The following ERBB4 variants were observed in gnomAD, a reference collection of about 807,000 sequenced individuals.
The protein encoded by ERBB4 is erb-b2 receptor tyrosine kinase 4, also known as receptor tyrosine-protein kinase erbB-4.
ERBB4 carries 42 observed loss-of-function variants against 158.0 expected under a neutral mutation model. The observed-to-expected ratio is 0.27, with a 90% CI of 0.21 to 0.34. The LOEUF is 0.34. ERBB4 is among the 10% of genes least tolerant of loss of function. The probability of loss-of-function intolerance (pLI) is 1.00; values close to 1 mark genes in which losing one functional copy is unlikely to be tolerated. For missense variants in ERBB4, 1,333 were observed against 1,624.1 expected, an observed-to-expected ratio of 0.82 and a Z score of 3.08; for synonymous variants, 583 against 558.7, an observed-to-expected ratio of 1.04 and a Z score of -0.61.
At chr2:211,652,487 C>A (rs1045682737) in intron 16 of ERBB4, among the ~76,000 whole-genome samples, 3 of 151,162 alleles carry the variant, frequency 2.0e-5, no homozygotes, top group Non-Finnish European at 2.9e-5. Flanking sequence ...TCCTTGGGGG[C>A]AAAACAAACA....
At chr2:211,469,659 T>G (rs1008677138) in intron 20 of ERBB4, among the ~76,000 whole-genome samples, 4 of 152,190 alleles carry the variant, frequency 2.6e-5, no homozygotes, top group African/African-American at 9.6e-5. Context: ...CATAGTCTTT[T>G]AGTTATAAAA....
At chr2:211,402,989 T>C (rs1323967334) in intron 25 of ERBB4, among the ~76,000 whole-genome samples, 2 of 152,064 alleles carry the variant, frequency 1.3e-5, no homozygotes, top group Non-Finnish European at 2.9e-5. Context: ...TCTTCAGTTA[T>C]AGGCCTGATG....
rs140282157 is a variant in ERBB4 at position 212,377,966 on chromosome 2, A to AT, written c.82+160482dup. On this transcript the variant is annotated intron_variant, in intron 1 of 27. Transcript: ENST00000342788. ...AGCTTTTTCCTATTTTTATCTTTTAATTTTTTTTTGTTAAAAACTGACACA... is the reference window on the plus strand; with the variant it reads ...AGCTTTTTCCTATTTTTATCTTTTAATTTTTTTTTTGTTAAAAACTGACACA... 1.6e-4 allele frequency among the ~76,000 whole-genome samples: 24 copies of AT among 150,500 alleles called. No individual in the cohort carries two copies. In the South Asian group the frequency reaches 1.9e-3, roughly 12 times the overall value.
chr2:211,712,247 T>C, intron 8 of ERBB4, 71 bp from the exon 9 acceptor site: 1 of 1,420,368 alleles, frequency 7.0e-7, no homozygotes, highest in South Asian at 1.2e-5. Flanking sequence ...TGCATCTTCA[T>C]TATAAAATAG....
chr2:212,114,325 T>C (rs1435070818), intron 2 of ERBB4, among the ~76,000 whole-genome samples: 1 of 152,144 alleles, frequency 6.6e-6, no homozygotes, highest in Non-Finnish European at 1.5e-5. Context: ...GGTGTATCCA[T>C]ATGTTCATGG....
chr2:212,350,340 G>T (rs893911520), intron 1 of ERBB4, among the ~76,000 whole-genome samples: 8 of 152,018 alleles, frequency 5.3e-5, no homozygotes, highest in African/African-American at 1.9e-4. Flanking sequence ...GTTTCCTTAA[G>T]AGGAAAAATA....
At chr2:211,569,071 C>T (rs748112461) in intron 19 of ERBB4, among the ~76,000 whole-genome samples, 40 of 152,230 alleles carry the variant, frequency 2.6e-4, no homozygotes, top group Middle Eastern at 3.4e-3. Context: ...CACTCCCTTC[C>T]AATCCTTGGT....
intron 5 of ERBB4, among the ~76,000 whole-genome samples, chr2:211,728,687 T>G (rs2074346061): frequency 6.6e-6 from 1 of 151,886 alleles, no homozygotes; most frequent in Non-Finnish European, 1.5e-5. Context: ...TTGCTTCTAT[T>G]TGACAGCTAT....
Position 212,176,472 on chromosome 2 carries a change from A to G in ERBB4, c.83-51569T>C, listed in dbSNP as rs1343871648. Among the ~76,000 whole-genome samples the G allele has an allele frequency of 2.6e-5, 4 of 152,142 alleles. No individual in the cohort carries two copies. The East Asian group carries it at 7.7e-4, about 29-fold the overall frequency. On this transcript the variant is annotated intron_variant, in intron 1 of 27. Transcript: ENST00000342788. ...TCTGCAAGCCAGGGAGAGGGACTTCATTAAGAACCTGACCATGTTAGCACC... is the reference window on the plus strand; with the variant it reads ...TCTGCAAGCCAGGGAGAGGGACTTCGTTAAGAACCTGACCATGTTAGCACC...
At chr2:211,770,559 AG>A (rs2075666302) in intron 4 of ERBB4, among the ~76,000 whole-genome samples, 1 of 152,222 alleles carries the variant, frequency 6.6e-6, no homozygotes, top group East Asian at 1.9e-4. Flanking sequence ...CACATATTTT[AG>A]TGAAAATGCT....
chr2:211,412,436 C>T (rs1014709234), intron 25 of ERBB4, among the ~76,000 whole-genome samples: 3 of 152,128 alleles, frequency 2.0e-5, no homozygotes, highest in Admixed American at 6.5e-5. Flanking sequence ...CACAAAGATA[C>T]ATTTAAAATG....
intron 3 of ERBB4, among the ~76,000 whole-genome samples, chr2:211,897,515 G>A (rs961013098): frequency 1.3e-5 from 2 of 151,396 alleles, no homozygotes; most frequent in African/African-American, 2.4e-5. Flanking sequence ...GAAAGCAGAC[G>A]TGCAAAATTA....
At chr2:212,283,308 C>T (rs1248488007) in intron 1 of ERBB4, among the ~76,000 whole-genome samples, 1 of 151,972 alleles carries the variant, frequency 6.6e-6, no homozygotes, top group Non-Finnish European at 1.5e-5. Context: ...AACAGTCTCT[C>T]ATAAAGATTC....
At chr2:212,198,207 T>C (rs201182045) in intron 1 of ERBB4, among the ~76,000 whole-genome samples, 1 of 152,224 alleles carries the variant, frequency 6.6e-6, no homozygotes, top group Admixed American at 6.5e-5. Flanking sequence ...GTTTTTTAAA[T>C]TGTGATATAT....
intron 1 of ERBB4, among the ~76,000 whole-genome samples, chr2:212,425,918 G>A (rs2091902867): frequency 1.3e-5 from 2 of 151,824 alleles, no homozygotes; most frequent in South Asian, 4.2e-4. Context: ...TTAACATGCA[G>A]GATAAGTCAC....
At chr2:212,031,502 GC>G (rs1230679554) in intron 2 of ERBB4, among the ~76,000 whole-genome samples, 1 of 152,070 alleles carries the variant, frequency 6.6e-6, no homozygotes, top group Non-Finnish European at 1.5e-5. Context: ...AGACCCCCAG[GC>G]CACAAAGCCA....
At chr2:212,085,282 A>G (rs2078568983) in intron 2 of ERBB4, among the ~76,000 whole-genome samples, 1 of 151,982 alleles carries the variant, frequency 6.6e-6, no homozygotes. Context: ...ATTTAAGGCC[A>G]GAGTGTAACA....
chr2:211,603,076 C>T (rs1465207495), intron 19 of ERBB4, among the ~76,000 whole-genome samples: 1 of 151,988 alleles, frequency 6.6e-6, no homozygotes, highest in Non-Finnish European at 1.5e-5. Flanking sequence ...ACTAAAAATA[C>T]AAAATTTAGC....
chr2:212,250,440 G>A (rs754053694), intron 1 of ERBB4, among the ~76,000 whole-genome samples: 1 of 151,800 alleles, frequency 6.6e-6, no homozygotes, highest in African/African-American at 2.4e-5. Flanking sequence ...GACTTTTTAT[G>A]GTAGTTTTGG....
Sources: gnomAD v4.1 joint callset for allele counts (sites outside exome capture counted in the v4.1 genomes callset) on GRCh38, gnomAD v4.1.1 for gene constraint, MANE v1.5 for transcripts, NCBI Gene and HGNC (gene_info 2026-07-23, HGNC 2026-07-21) for gene names.